SLC9A9: variants seen among roughly 807,000 people sequenced by gnomAD.
SLC9A9 encodes the protein solute carrier family 9 member A9.
Under a neutral mutation model 77.8 loss-of-function variants are expected in SLC9A9, and 62 were observed. The observed-to-expected ratio is 0.80, with a 90% CI of 0.65 to 0.98. The LOEUF (loss-of-function observed/expected upper bound fraction) is 0.98. SLC9A9 is among the 50% of genes least tolerant of loss of function. The probability of loss-of-function intolerance (pLI) is 0.00; values close to 1 mark genes in which losing one functional copy is unlikely to be tolerated. For synonymous variants in SLC9A9, 320 were observed against 283.5 expected, an observed-to-expected ratio of 1.13 and a Z score of -1.29; for missense variants, 775 against 774.9, an observed-to-expected ratio of 1.00 and a Z score of 0.00.
chr3:143,642,087 C>T (rs2038634153), intron 6 of SLC9A9, among the ~76,000 whole-genome samples: 1 of 152,238 alleles, frequency 6.6e-6, no homozygotes, highest in Non-Finnish European at 1.5e-5. Flanking sequence ...TGATGAAGTA[C>T]CTGAAAATGT....
At chr3:143,757,182 TTC>T in intron 4 of SLC9A9, among the ~76,000 whole-genome samples, 1 of 152,064 alleles carries the variant, frequency 6.6e-6, no homozygotes, top group Non-Finnish European at 1.5e-5. Flanking sequence ...CCAGGGGGAA[TTC>T]AGGGTTTGCT....
chr3:143,693,141 A>G lies in SLC9A9; in HGVS notation c.649+51T>C, dbSNP rs56738109. Reference sequence around the variant, plus strand: ...TGATGGTCTTGGGGAGAAACATTCAATTTAAATGTTTGATTCTTAAAAGAA... The same window carrying G: ...TGATGGTCTTGGGGAGAAACATTCAGTTTAAATGTTTGATTCTTAAAAGAA... On this transcript the variant is annotated intron_variant, in intron 5 of 15. Coordinates refer to ENST00000316549, the MANE Select transcript of SLC9A9 (RefSeq NM_173653.4). 8.6e-5 allele frequency: 122 copies of G among 1,423,712 alleles called. No individual in the cohort carries two copies. The African/African-American group carries it at 1.6e-3, about 18-fold the overall frequency. 88.2% of individuals were successfully genotyped at this position (1,423,712 alleles called of 1,614,324 possible).
chr3:143,813,759 A>G (rs1014045212), intron 2 of SLC9A9, among the ~76,000 whole-genome samples: 1 of 152,192 alleles, frequency 6.6e-6, no homozygotes, highest in Non-Finnish European at 1.5e-5. Flanking sequence ...CAAAAGAGAC[A>G]ATGAATTAAC....
At chr3:143,669,862 T>C (rs2039131652) in intron 5 of SLC9A9, among the ~76,000 whole-genome samples, 1 of 152,192 alleles carries the variant, frequency 6.6e-6, no homozygotes, top group South Asian at 2.1e-4. Flanking sequence ...TGGAGTTATT[T>C]ATGCAAAATG....
intron 9 of SLC9A9, among the ~76,000 whole-genome samples, chr3:143,531,613 G>A (rs1262692397): frequency 2.6e-5 from 4 of 152,184 alleles, no homozygotes; most frequent in African/African-American, 7.2e-5. Flanking sequence ...AATACAATAT[G>A]TGGGTGTAAA....
intron 12 of SLC9A9, among the ~76,000 whole-genome samples, chr3:143,413,558 C>G (rs1050471575): frequency 7.9e-5 from 12 of 152,070 alleles, no homozygotes; most frequent in Admixed American, 2.0e-4. Flanking sequence ...GAAAGAGGAA[C>G]CACAACTTTA....
intron 4 of SLC9A9, among the ~76,000 whole-genome samples, chr3:143,771,585 A>G (rs767427593): frequency 6.6e-6 from 1 of 152,228 alleles, no homozygotes; most frequent in East Asian, 1.9e-4. Flanking sequence ...ATGGGGATTT[A>G]TTCTCTACAT....
intron 12 of SLC9A9, among the ~76,000 whole-genome samples, chr3:143,398,014 A>T (rs781408382): frequency 6.6e-6 from 1 of 152,200 alleles, no homozygotes; most frequent in Non-Finnish European, 1.5e-5. Context: ...AGAAGGCAAC[A>T]ACAAAGTTTT....
Position 143,410,035 on chromosome 3 carries a change from G to T in SLC9A9, c.1470-27921C>A, listed in dbSNP as rs150064659. Among the ~76,000 whole-genome samples the T allele has an allele frequency of 1.1e-4, 16 of 152,310 alleles. No homozygotes were observed. In the East Asian group the frequency reaches 3.1e-3, roughly 29 times the overall value. ...CTTGTTTCCTAAGTAGGGCATTTGA[G>T]TTGAATAATAAAGCCCATTTGAAGA... On this transcript the variant is annotated intron_variant, in intron 12 of 15. Coordinates refer to ENST00000316549, the MANE Select transcript of SLC9A9 (RefSeq NM_173653.4).
intron 4 of SLC9A9, among the ~76,000 whole-genome samples, chr3:143,750,578 A>G (rs1339795533): frequency 1.3e-5 from 2 of 152,180 alleles, no homozygotes; most frequent in African/African-American, 4.8e-5. Context: ...TCACCTGTGT[A>G]GACAAATCTG....
chr3:143,695,984 C>A (rs1235635489), intron 4 of SLC9A9, among the ~76,000 whole-genome samples: 1 of 138,830 alleles, frequency 7.2e-6, no homozygotes, highest in African/African-American at 2.6e-5. Flanking sequence ...ATCCTTCACA[C>A]ACTATTTGAT....
chr3:143,337,107 T>C (rs1231810457), intron 14 of SLC9A9, among the ~76,000 whole-genome samples: 3 of 152,170 alleles, frequency 2.0e-5, no homozygotes, highest in Non-Finnish European at 2.9e-5. Context: ...TTATGGATAG[T>C]ATGGGAGAGA....
In SLC9A9 at chr3:143,606,444, A is replaced by C. The variant is rs1424838100; in HGVS notation, c.756-27721T>G. Among the ~76,000 whole-genome samples the C allele has an allele frequency of 6.2e-3, 733 of 118,930 alleles. 3 individuals are homozygous for C. Among genetic ancestry groups the C allele is most frequent in the African/African-American group, 0.016 (461 of 29,634 alleles). 78.0% of individuals were successfully genotyped at this position (118,930 alleles called of 152,430 possible). ...TCTCTCTCTCTCTCTCTCTATATAT[A>C]TATATATATATATATATGTATATAA... On this transcript the variant is annotated intron_variant, in intron 6 of 15. Transcript: ENST00000316549.
At chr3:143,558,397 G>A (rs114164555) in intron 8 of SLC9A9, among the ~76,000 whole-genome samples, 428 of 152,184 alleles carry the variant, frequency 2.8e-3, no homozygotes, top group African/African-American at 9.8e-3. Context: ...AGCTTGCACC[G>A]TGCACCTGGA....
At chr3:143,820,198 T>C (rs896460080) in intron 2 of SLC9A9, among the ~76,000 whole-genome samples, 13 of 152,234 alleles carry the variant, frequency 8.5e-5, no homozygotes, top group African/African-American at 3.1e-4. Context: ...AAGTGGCATT[T>C]GATCCAAGTT....
intron 14 of SLC9A9, among the ~76,000 whole-genome samples, chr3:143,285,758 A>G (rs554866087): frequency 6.6e-6 from 1 of 152,152 alleles, no homozygotes; most frequent in South Asian, 2.1e-4. Flanking sequence ...GTTAGTAAAG[A>G]TTTTCTATGG....
intron 6 of SLC9A9, among the ~76,000 whole-genome samples, chr3:143,608,326 TC>T (rs1439821573): frequency 6.6e-6 from 1 of 152,218 alleles, no homozygotes; most frequent in Non-Finnish European, 1.5e-5. Context: ...GCAGTGAACA[TC>T]TGTGGGTGTT....
chr3:143,504,493 C>CTT (rs11457890), intron 9 of SLC9A9, among the ~76,000 whole-genome samples: 1 of 151,916 alleles, frequency 6.6e-6, no homozygotes, highest in Non-Finnish European at 1.5e-5. Flanking sequence ...ATTCTGAAGG[C>CTT]TTTTTTGCCT....
At position 143,820,907 on chromosome 3, in the gene SLC9A9, A is replaced by ATT. The variant is rs36029573; in HGVS notation, c.378+11110_378+11111dup. Among the ~76,000 whole-genome samples, 1,080 of 142,208 alleles carry ATT rather than the reference A, an allele frequency of 7.6e-3. 11 individuals are homozygous for ATT. The highest frequency in any genetic ancestry group is 0.021 in the South Asian group (96 of 4,508). The allele number at this position is 142,208 out of a possible 152,430, so 93.3% of individuals were successfully genotyped here. A position where few individuals can be genotyped will look rare whatever the true frequency, so the allele number is the denominator to read the frequency against. On this transcript the variant is annotated intron_variant, in intron 2 of 15. Coordinates refer to ENST00000316549, the MANE Select transcript of SLC9A9 (RefSeq NM_173653.4). ...CTCAATCCTAGTCTTTCTTTGTCTTATTTTTTTTTTTTTTGAGTTTGCATT... is the reference window on the plus strand; with the variant it reads ...CTCAATCCTAGTCTTTCTTTGTCTTATTTTTTTTTTTTTTTTGAGTTTGCATT...
Sources: gnomAD v4.1 joint callset for allele counts (sites outside exome capture counted in the v4.1 genomes callset) on GRCh38, gnomAD v4.1.1 for gene constraint, MANE v1.5 for transcripts, NCBI Gene and HGNC (gene_info 2026-07-23, HGNC 2026-07-21) for gene names.